Variants in GRXCR1 observed in about 807,000 individuals in gnomAD.
GRXCR1 encodes the protein glutaredoxin domain-containing cysteine-rich protein 1.
Under a neutral mutation model 27.3 loss-of-function variants are expected in GRXCR1, and 27 were observed. The observed-to-expected ratio is 0.99, with a 90% confidence interval of 0.73 to 1.37. GRXCR1 has a LOEUF of 1.37. Among genes scored for constraint, GRXCR1 ranks in the 40% most tolerant of loss-of-function variants. The probability of loss-of-function intolerance (pLI) is 0.00; values close to 1 mark genes in which losing one functional copy is unlikely to be tolerated. For missense variants in GRXCR1, 379 were observed against 354.4 expected, an observed-to-expected ratio of 1.07 and a Z score of -0.56; for synonymous variants, 122 against 131.1, an observed-to-expected ratio of 0.93 and a Z score of 0.47.
intron 1 of GRXCR1, among the ~76,000 whole-genome samples, chr4:42,945,279 C>A (rs1378156861): frequency 6.6e-6 from 1 of 152,070 alleles, no homozygotes; most frequent in Non-Finnish European, 1.5e-5. Flanking sequence ...CCCACCCAAG[C>A]TGACTCAGAC....
chr4:43,028,947 C>T (rs16855248), intron 3 of GRXCR1, among the ~76,000 whole-genome samples: 10,622 of 152,104 alleles, frequency 0.07, 1,141 homozygotes, highest in African/African-American at 0.23. Context: ...CCATTAGAAA[C>T]GAGATATTAT....
At chr4:42,983,877 C>T (rs1711575752) in intron 2 of GRXCR1, among the ~76,000 whole-genome samples, 1 of 148,722 alleles carries the variant, frequency 6.7e-6, no homozygotes, top group African/African-American at 2.5e-5. Context: ...ACTCTGTCAC[C>T]TGGGCTGCAG....
At chr4:42,934,819 C>A (rs1011138844) in intron 1 of GRXCR1, among the ~76,000 whole-genome samples, 22 of 151,890 alleles carry the variant, frequency 1.4e-4, no homozygotes, top group Non-Finnish European at 3.1e-4. Context: ...TTGGTGATGA[C>A]GAGGCCATGT....
At chr4:42,915,724 T>C (rs1030185095) in intron 1 of GRXCR1, among the ~76,000 whole-genome samples, 1 of 152,088 alleles carries the variant, frequency 6.6e-6, no homozygotes, top group African/African-American at 2.4e-5. Context: ...CATAGCCCAG[T>C]CCCATTTCAA....
rs372033419 is a variant in GRXCR1, at chr4:42,958,500, AT to A, written c.385-4385del. Among the ~76,000 whole-genome samples the A allele has an allele frequency of 2.6e-4, 40 of 152,062 alleles. 1 individual carries two copies. The South Asian group carries it at 7.1e-3, about 27-fold the overall frequency. ...CTCCTTGATATCACCCCTGGCAAGA[AT>A]TTTTTTAAGTTTTGGATATTTTCCC... is the stretch of plus-strand genomic sequence containing the variant. On this transcript the variant is annotated intron_variant, in intron 1 of 3. Transcript: ENST00000399770.
At chr4:43,007,640 A>G (rs568962006) in intron 2 of GRXCR1, among the ~76,000 whole-genome samples, 3 of 152,290 alleles carry the variant, frequency 2.0e-5, no homozygotes, top group Admixed American at 6.5e-5. Flanking sequence ...TAAAATAAAC[A>G]TTGCATGTAA....
intron 1 of GRXCR1, among the ~76,000 whole-genome samples, chr4:42,939,753 G>A (rs1747566715): frequency 6.6e-6 from 1 of 151,966 alleles, no homozygotes; most frequent in Admixed American, 6.6e-5. Flanking sequence ...TGTGGGAGAG[G>A]GAGAAGATTC....
chr4:42,928,498 G>A (rs565340117), intron 1 of GRXCR1, among the ~76,000 whole-genome samples: 24 of 152,056 alleles, frequency 1.6e-4, no homozygotes, highest in African/African-American at 7.2e-5. Flanking sequence ...GAGTAATTGC[G>A]TTATTCTGTG....
chr4:42,902,421 G>T (rs139173031), intron 1 of GRXCR1, among the ~76,000 whole-genome samples: 1 of 152,110 alleles, frequency 6.6e-6, no homozygotes, highest in Non-Finnish European at 1.5e-5. Context: ...GAGGATAATG[G>T]CTTCCAACTC....
chr4:42,987,222 T>TATTATATA (rs369022273), intron 2 of GRXCR1, among the ~76,000 whole-genome samples: 36 of 100,574 alleles, frequency 3.6e-4, no homozygotes, highest in African/African-American at 1.3e-3. Context: ...TATATATATA[T>TATTATATA]TATATATTAT....
At chr4:42,913,814 A>G (rs1455784718) in intron 1 of GRXCR1, among the ~76,000 whole-genome samples, 1 of 152,152 alleles carries the variant, frequency 6.6e-6, no homozygotes, top group Non-Finnish European at 1.5e-5. Flanking sequence ...CCGCTTCTCT[A>G]TACAGCCTCA....
intron 2 of GRXCR1, among the ~76,000 whole-genome samples, chr4:42,969,360 G>T (rs1184320747): frequency 6.6e-6 from 1 of 152,096 alleles, no homozygotes; most frequent in African/African-American, 2.4e-5. Flanking sequence ...ACCTGAGACT[G>T]GGTAATTTAT....
intron 2 of GRXCR1, among the ~76,000 whole-genome samples, chr4:43,000,532 A>G (rs1409985501): frequency 6.7e-6 from 1 of 150,144 alleles, no homozygotes; most frequent in Non-Finnish European, 1.5e-5. Context: ...AGCAGTGCTT[A>G]TGGTCAAGTA....
Position 42,893,631 on chromosome 4 carries a change from A to G in GRXCR1, c.365A>G (p.Asn122Ser), listed in dbSNP as rs200961843. 3 of 1,613,392 alleles carry G rather than the reference A, an allele frequency of 1.9e-6. No individual in the cohort carries two copies. The highest frequency in any genetic ancestry group is 1.7e-6 in the Non-Finnish European group (2 of 1,179,692). The change falls in exon 1 of 4, where the codon AAT (asparagine) becomes AGT (serine). Residue 122 changes from asparagine (N) to serine (S), a missense_variant. Physicochemically the swap from Asn to Ser is conservative, Grantham distance 46. Coordinates refer to ENST00000399770, the MANE Select transcript of GRXCR1 (RefSeq NM_001080476.3). ...AGTGCTGGCCAGGCTCTATTTAACA[A>G]TTTGACCAAAGTATTACAGGTAAGT... ...KVSAGQALFNNLTKVLQQPST... is the reference protein window; with the variant it reads ...KVSAGQALFNSLTKVLQQPST...
At chr4:42,905,182 T>C (rs1746558142) in intron 1 of GRXCR1, among the ~76,000 whole-genome samples, 1 of 152,190 alleles carries the variant, frequency 6.6e-6, no homozygotes, top group African/African-American at 2.4e-5. Context: ...GATTCCTTAA[T>C]ATTAACTTCC....
intron 2 of GRXCR1, among the ~76,000 whole-genome samples, chr4:43,010,914 A>T (rs1434163016): frequency 1.3e-5 from 2 of 152,170 alleles, no homozygotes; most frequent in East Asian, 3.8e-4. Context: ...ACACTGCTAC[A>T]TGATAGAAAT....
In GRXCR1 at chr4:43,000,333, G is replaced by GGGTGTGAT. The variant is rs1712310047; in HGVS notation, c.628-20016_628-20009dup. 2.6e-5 allele frequency among the ~76,000 whole-genome samples: 4 copies of GGGTGTGAT among 152,120 alleles called. No homozygotes were observed. In the South Asian group the frequency reaches 8.3e-4, roughly 32 times the overall value. ...TCTAGTAACAATACAAAAATTAGCT[G>GGGTGTGAT]GGTGTGATGGTGCACACCTGTAATC... On this transcript the variant is annotated intron_variant, in intron 2 of 3. Transcript: ENST00000399770.
intron 1 of GRXCR1, among the ~76,000 whole-genome samples, chr4:42,953,491 T>A (rs530145499): frequency 6.6e-6 from 1 of 152,174 alleles, no homozygotes. Flanking sequence ...CTGCCAGTCA[T>A]GTGAGTGAAA....
At chr4:43,030,201 G>C (rs1392144225) in intron 3 of GRXCR1, among the ~76,000 whole-genome samples, 160 bp from the exon 4 acceptor site, 1 of 152,122 alleles carries the variant, frequency 6.6e-6, no homozygotes, top group Non-Finnish European at 1.5e-5. Flanking sequence ...TACTTTCCTG[G>C]GTGTAATGTG....
Sources: allele counts gnomAD v4.1 joint callset (sites outside exome capture counted in the v4.1 genomes callset), GRCh38; gene constraint gnomAD v4.1.1; transcripts MANE v1.5; gene names NCBI Gene and HGNC (gene_info 2026-07-23, HGNC 2026-07-21).